The following HADHB variants were observed in gnomAD, a reference collection of about 807,000 sequenced individuals.
The protein encoded by HADHB is trifunctional enzyme subunit beta, mitochondrial.
HADHB carries 50 observed loss-of-function variants against 61.9 expected under a neutral mutation model. The observed-to-expected ratio is 0.81, with a 90% CI of 0.64 to 1.02. HADHB has a LOEUF of 1.02. Among genes scored for constraint, HADHB ranks in the 50% least tolerant of loss-of-function variants. The pLI is 0.00. For missense variants in HADHB, 504 were observed against 586.5 expected, an observed-to-expected ratio of 0.86 and a Z score of 1.45; for synonymous variants, 191 against 201.6, an observed-to-expected ratio of 0.95 and a Z score of 0.45.
chr2:26,259,415 C>A (rs1249730677), intron 3 of HADHB, among the ~76,000 whole-genome samples: 1 of 152,194 alleles, frequency 6.6e-6, no homozygotes, highest in East Asian at 1.9e-4. Flanking sequence ...TTATTTCTCC[C>A]CTTCCAGGAA....
At chr2:26,267,294 G>C (rs1240984254) in intron 4 of HADHB, among the ~76,000 whole-genome samples, 3 of 152,052 alleles carry the variant, frequency 2.0e-5, no homozygotes, top group South Asian at 2.1e-4. Context: ...GAAAAGACAG[G>C]ATGAGCAAGG....
chr2:26,275,661 C>T (rs1258628058), intron 6 of HADHB, among the ~76,000 whole-genome samples: 3 of 152,332 alleles, frequency 2.0e-5, no homozygotes, highest in South Asian at 2.1e-4. Context: ...GATTGGTTTA[C>T]GTTGAGAGGC....
intron 1 of HADHB, among the ~76,000 whole-genome samples, chr2:26,253,563 C>T (rs1251187360): frequency 6.6e-6 from 1 of 152,024 alleles, no homozygotes; most frequent in Admixed American, 6.6e-5. Flanking sequence ...GTTCAAATTC[C>T]AGCTCTGGGC....
intron 6 of HADHB, among the ~76,000 whole-genome samples, chr2:26,274,407 G>T (rs1672462198): frequency 6.6e-6 from 1 of 152,182 alleles, no homozygotes; most frequent in African/African-American, 2.4e-5. Flanking sequence ...ACATTTCATT[G>T]TACTCAGTAT....
At position 26,248,751 on chromosome 2, in the gene HADHB, A is replaced by AAAC. The variant is rs547476928; in HGVS notation, c.-9+3779_-9+3781dup. 5.7e-3 allele frequency among the ~76,000 whole-genome samples: 863 copies of AAAC among 152,206 alleles called. 7 individuals carry two copies. The highest frequency in any genetic ancestry group is 0.02 in the African/African-American group (823 of 41,522). ...AAATGATACCTTGCTTTGATTTAAA[A>AAAC]AACAACAACAACAACAACAAAAAGG... On this transcript the variant is annotated intron_variant, in intron 1 of 15. Transcript: ENST00000317799.
At chr2:26,246,072 A>G (rs1375302497) in intron 1 of HADHB, among the ~76,000 whole-genome samples, 1 of 152,188 alleles carries the variant, frequency 6.6e-6, no homozygotes, top group Non-Finnish European at 1.5e-5. Context: ...TCATCATGTG[A>G]GCACTTTAAG....
chr2:26,289,962 G>A lies in HADHB; in HGVS notation c.*9G>A, dbSNP rs990232398. On this transcript the variant is annotated 3_prime_UTR_variant, in exon 16 of 16. Coordinates refer to ENST00000317799, the MANE Select transcript of HADHB (RefSeq NM_000183.3). ...AAGCTTATCCAAAATAATAGATCCA[G>A]AAGAAGTGACCTGAAGTTTCTGTGC... is the stretch of plus-strand genomic sequence containing the variant. 8 of 1,594,926 alleles carry A rather than the reference G, an allele frequency of 5.0e-6. No homozygotes were observed. Among genetic ancestry groups the A allele is most frequent in the East Asian group, 2.2e-5 (1 of 44,794 alleles).
chr2:26,262,225 G>A (rs768795789), intron 3 of HADHB, among the ~76,000 whole-genome samples: 76 of 152,154 alleles, frequency 5.0e-4, no homozygotes, highest in Non-Finnish European at 9.1e-4. Context: ...AATAATTTAG[G>A]ATTTTTTTCT....
At chr2:26,274,248 G>A (rs920739234) in intron 6 of HADHB, among the ~76,000 whole-genome samples, 3 of 152,218 alleles carry the variant, frequency 2.0e-5, no homozygotes, top group Non-Finnish European at 4.4e-5. Flanking sequence ...TTTTGCCCTA[G>A]TTGGCATAGC....
chr2:26,249,988 T>C (rs1671337603), intron 1 of HADHB, among the ~76,000 whole-genome samples: 1 of 152,120 alleles, frequency 6.6e-6, no homozygotes, highest in Non-Finnish European at 1.5e-5. Context: ...GATTCCATGA[T>C]AGATTGTTTC....
At chr2:26,252,524 G>A (rs1370645794) in intron 1 of HADHB, among the ~76,000 whole-genome samples, 1 of 152,082 alleles carries the variant, frequency 6.6e-6, no homozygotes, top group Admixed American at 6.5e-5. Context: ...TACTTCCAGG[G>A]GGATTTTATA....
chr2:26,262,846 AT>A (rs1671917937), intron 3 of HADHB, among the ~76,000 whole-genome samples: 1 of 152,206 alleles, frequency 6.6e-6, no homozygotes, highest in African/African-American at 2.4e-5. Flanking sequence ...TTCCCTCATC[AT>A]TGGATATAAG....
chr2:26,254,330 AT>A lies in HADHB; in HGVS notation c.64+14del. 2 of 1,530,776 alleles carry A rather than the reference AT, an allele frequency of 1.3e-6. No individual in the cohort carries two copies. The highest frequency in any genetic ancestry group is 1.8e-6 in the Non-Finnish European group (2 of 1,104,496). The allele number at this position is 1,530,776 out of a possible 1,614,324, so 94.8% of individuals were successfully genotyped here. A position where few individuals can be genotyped will look rare whatever the true frequency, so the allele number is the denominator to read the frequency against. The stretch of plus-strand genomic sequence containing the variant: ...GGCCCTCAGATTTTGTAAGTTTATT[AT>A]TATTTTTTTATTTTTAGAGATTGGA... On this transcript the variant is annotated intron_variant, in intron 2 of 15. Coordinates refer to ENST00000317799, the MANE Select transcript of HADHB (RefSeq NM_000183.3).
intron 10 of HADHB, among the ~76,000 whole-genome samples, chr2:26,282,464 G>A (rs770451656): frequency 2.6e-5 from 4 of 152,010 alleles, no homozygotes; most frequent in South Asian, 2.1e-4. Context: ...GTTTCACCGC[G>A]TTAGCCAGGA....
chr2:26,246,540 C>T (rs1671170676), intron 1 of HADHB, among the ~76,000 whole-genome samples: 1 of 151,934 alleles, frequency 6.6e-6, no homozygotes, highest in Admixed American at 6.6e-5. Flanking sequence ...GGGGTTTCAC[C>T]ATGTTAGCCA....
At chr2:26,251,052 G>A (rs1370964708) in intron 1 of HADHB, among the ~76,000 whole-genome samples, 3 of 149,488 alleles carry the variant, frequency 2.0e-5, no homozygotes, top group South Asian at 4.3e-4. Flanking sequence ...TAACTCAAGT[G>A]TTATATTTAT....
At chr2:26,284,663 C>T (rs563385434) in intron 13 of HADHB, among the ~76,000 whole-genome samples, 72 of 152,072 alleles carry the variant, frequency 4.7e-4, no homozygotes, top group African/African-American at 1.6e-3. Flanking sequence ...GACAGGGTTT[C>T]ACCATATTGG....
At chr2:26,268,842 C>A (rs1009621668) in intron 4 of HADHB, among the ~76,000 whole-genome samples, 1 of 151,996 alleles carries the variant, frequency 6.6e-6, no homozygotes, top group South Asian at 2.1e-4. Context: ...TGTAAGATGT[C>A]AGTATTAGAA....
chr2:26,289,527 C>T (rs1483663544), intron 15 of HADHB, among the ~76,000 whole-genome samples: 1 of 152,002 alleles, frequency 6.6e-6, no homozygotes, highest in Admixed American at 6.6e-5. Context: ...TTAAAAAAGC[C>T]CCTGGATTTC....
Sources: gnomAD v4.1 joint callset for allele counts (sites outside exome capture counted in the v4.1 genomes callset) on GRCh38, gnomAD v4.1.1 for gene constraint, MANE v1.5 for transcripts, NCBI Gene and HGNC (gene_info 2026-07-23, HGNC 2026-07-21) for gene names.